ADAMTS20: variants seen among roughly 807,000 people sequenced by gnomAD.
The protein encoded by ADAMTS20 is A disintegrin and metalloproteinase with thrombospondin motifs 20.
In ADAMTS20, 225 loss-of-function variants were observed where a neutral mutation model predicts 260.1. The ratio of observed to expected loss-of-function variants is 0.87; its 90% CI spans 0.78 to 0.97. The LOEUF (loss-of-function observed/expected upper bound fraction) is 0.97. Among genes scored for constraint, ADAMTS20 ranks in the 50% least tolerant of loss-of-function variants. The pLI is 0.00. For synonymous variants in ADAMTS20, 802 were observed against 769.5 expected, an observed-to-expected ratio of 1.04 and a Z score of -0.70; for missense variants, 2,400 against 2,337.7, an observed-to-expected ratio of 1.03 and a Z score of -0.55.
At chr12:43,543,420 G>A (rs1301987920) in intron 2 of ADAMTS20, among the ~76,000 whole-genome samples, 1 of 152,204 alleles carries the variant, frequency 6.6e-6, no homozygotes, top group African/African-American at 2.4e-5. Context: ...GTGACTACTA[G>A]GTGTCTCCTA....
chr12:43,405,452 AATAATAAT>A (rs1940901320), intron 28 of ADAMTS20, among the ~76,000 whole-genome samples: 3 of 137,812 alleles, frequency 2.2e-5, no homozygotes, highest in East Asian at 2.0e-4. Context: ...TAATAATAAT[AATAATAAT>A]AAATTAAATA....
chr12:43,353,658 A>G (rs1313420557), downstream of ADAMTS20, among the ~76,000 whole-genome samples: 2 of 152,094 alleles, frequency 1.3e-5, no homozygotes, highest in African/African-American at 4.8e-5. Context: ...AAAATTAAAG[A>G]AAAAATAAAA....
rs762727201 is a variant in ADAMTS20, at chr12:43,453,933, A to C, written c.1734T>G (p.Ser578Arg). 7.5e-6 allele frequency: 12 copies of C among 1,609,374 alleles called. No homozygotes were observed. The African/African-American group carries it at 9.4e-5, about 13-fold the overall frequency. Residue 578 changes from serine to arginine, a missense_variant, in exon 12 of 39, where the codon AGT becomes AGG. Transcript: ENST00000389420. ...CAGGACGATTACAGCGCCTGGTTGC[A>C]CTTTCGATTCCGCCTCCACATGTTC... ...CSRTCGGGIE[S>R]ATRRCNRPEP...
chr12:43,400,247 T>G lies in ADAMTS20; in HGVS notation c.4285-1014A>C, dbSNP rs576800225. Among the ~76,000 whole-genome samples, 14 of 152,044 alleles carry G rather than the reference T, an allele frequency of 9.2e-5. No individual in the cohort carries two copies. In the South Asian group the frequency reaches 2.5e-3, roughly 27 times the overall value. On this transcript the variant is annotated intron_variant, in intron 28 of 38. Coordinates refer to ENST00000389420, the MANE Select transcript of ADAMTS20 (RefSeq NM_025003.5). Reference sequence around the variant, plus strand: ...AGAAGTCATGGAGTTCAGACAACCTTTCTCATTCCTCTGAGACAGTTGTTG... The same window carrying G: ...AGAAGTCATGGAGTTCAGACAACCTGTCTCATTCCTCTGAGACAGTTGTTG...
intron 2 of ADAMTS20, among the ~76,000 whole-genome samples, chr12:43,534,965 C>T (rs761286441): frequency 2.0e-5 from 3 of 152,112 alleles, no homozygotes; most frequent in South Asian, 2.1e-4. Flanking sequence ...ACCTCTACCT[C>T]TGCATCATCA....
At position 43,408,931 on chromosome 12, in the gene ADAMTS20, C is replaced by G. The variant is rs7969567; in HGVS notation, c.4285-9698G>C. Among the ~76,000 whole-genome samples the G allele has an allele frequency of 3.2e-3, 480 of 152,256 alleles. 1 individual carries two copies. The highest frequency in any genetic ancestry group is 0.011 in the African/African-American group (465 of 41,560). ...TATGATAATAATAACACTTACATCTCAAGGTGGTTGTGAGATTAAATTAGA... is the reference window on the plus strand; with the variant it reads ...TATGATAATAATAACACTTACATCTGAAGGTGGTTGTGAGATTAAATTAGA... On this transcript the variant is annotated intron_variant, in intron 28 of 38. Coordinates refer to ENST00000389420, the MANE Select transcript of ADAMTS20 (RefSeq NM_025003.5).
At chr12:43,423,924 C>T (rs1330301941) in intron 28 of ADAMTS20, 1 of 714,126 alleles carries the variant, frequency 1.4e-6, no homozygotes, top group East Asian at 2.6e-5. Context: ...TTAAGATCCT[C>T]CTATAAAGTT....
At chr12:43,501,467 G>GCACACACACA (rs1400113027) in intron 4 of ADAMTS20, among the ~76,000 whole-genome samples, 1 of 31,036 alleles carries the variant, frequency 3.2e-5, no homozygotes, top group African/African-American at 2.2e-4. Context: ...GGATACGCGC[G>GCACACACACA]CGCGCGCGCG....
chr12:43,380,972 C>T (rs1940336471), intron 31 of ADAMTS20, among the ~76,000 whole-genome samples: 1 of 152,082 alleles, frequency 6.6e-6, no homozygotes, highest in Non-Finnish European at 1.5e-5. Flanking sequence ...CTCATACTTC[C>T]TGACTTCAAA....
At chr12:43,490,698 G>A (rs565640788) in intron 6 of ADAMTS20, among the ~76,000 whole-genome samples, 91 of 152,184 alleles carry the variant, frequency 6.0e-4, no homozygotes, top group African/African-American at 2.0e-3. Flanking sequence ...TATTTTAAAT[G>A]TCTCTGCTTT....
chr12:43,378,155 A>G (rs745674035), intron 31 of ADAMTS20, among the ~76,000 whole-genome samples: 6 of 152,268 alleles, frequency 3.9e-5, no homozygotes, highest in South Asian at 4.1e-4. Context: ...CAAAATATAT[A>G]AAGCAATGGC....
chr12:43,421,291 A>AAAAAAAAAAC (rs1565689629), intron 28 of ADAMTS20, among the ~76,000 whole-genome samples: 3 of 151,650 alleles, frequency 2.0e-5, no homozygotes, highest in Non-Finnish European at 4.4e-5. Flanking sequence ...ACAAAAAAAA[A>AAAAAAAAAAC]AAAAAAACTT....
At chr12:43,354,390 G>A (rs1939700763) in intron 38 of ADAMTS20, 92 bp from the exon 39 acceptor site, 1 of 881,342 alleles carries the variant, frequency 1.1e-6, no homozygotes, top group African/African-American at 1.7e-5. Flanking sequence ...GAATCATATG[G>A]CTAAAATCAT....
intron 2 of ADAMTS20, among the ~76,000 whole-genome samples, chr12:43,545,684 T>C (rs1016612209): frequency 6.6e-6 from 1 of 152,196 alleles, no homozygotes; most frequent in Non-Finnish European, 1.5e-5. Context: ...TAGACTCTTG[T>C]TCTGGCCAAG....
chr12:43,547,926 C>T (rs1943462205), intron 2 of ADAMTS20, among the ~76,000 whole-genome samples: 1 of 152,120 alleles, frequency 6.6e-6, no homozygotes, highest in Non-Finnish European at 1.5e-5. Flanking sequence ...GCACAAAGAA[C>T]ATCACCAGAA....
chr12:43,467,568 G>A lies in ADAMTS20; in HGVS notation c.1224-773C>T, dbSNP rs969525864. Reference sequence around the variant, plus strand: ...TCTCAGGAAGAAAACAAATATCTAAGATAGTACTCTCTGCAAAAATCGTCT... The same window carrying A: ...TCTCAGGAAGAAAACAAATATCTAAAATAGTACTCTCTGCAAAAATCGTCT... On this transcript the variant is annotated intron_variant, in intron 8 of 38. Coordinates refer to ENST00000389420, the MANE Select transcript of ADAMTS20 (RefSeq NM_025003.5). 2.6e-5 allele frequency among the ~76,000 whole-genome samples: 4 copies of A among 151,966 alleles called. 1 individual carries two copies. Among genetic ancestry groups the A allele is most frequent in the Non-Finnish European group, 5.9e-5 (4 of 67,930 alleles).
rs149205272 is a variant in ADAMTS20, at chr12:43,402,753, T to C, written c.4285-3520A>G. On this transcript the variant is annotated intron_variant, in intron 28 of 38. Coordinates refer to ENST00000389420, the MANE Select transcript of ADAMTS20 (RefSeq NM_025003.5). ...CCTCCATTTTATAACTCTGACACCA[T>C]CATAGTCTTGAAGTTTTATTTAGTG... 6.4e-3 allele frequency among the ~76,000 whole-genome samples: 974 copies of C among 152,212 alleles called. 11 individuals are homozygous for C. The highest frequency in any genetic ancestry group is 0.022 in the African/African-American group (909 of 41,564).
intron 28 of ADAMTS20, chr12:43,423,821 T>C (rs761649432): frequency 5.7e-6 from 4 of 707,342 alleles, no homozygotes; most frequent in Admixed American, 4.0e-5. Context: ...AGTAACGACA[T>C]TTATTAAATA....
At chr12:43,404,388 G>T (rs1940873029) in intron 28 of ADAMTS20, among the ~76,000 whole-genome samples, 1 of 152,068 alleles carries the variant, frequency 6.6e-6, no homozygotes. Flanking sequence ...GGCACCACAT[G>T]AACTGATTTA....
Sources: gnomAD v4.1 joint callset for allele counts (sites outside exome capture counted in the v4.1 genomes callset) on GRCh38, gnomAD v4.1.1 for gene constraint, MANE v1.5 for transcripts, NCBI Gene and HGNC (gene_info 2026-07-23, HGNC 2026-07-21) for gene names.